GPR158: variants seen among roughly 807,000 people sequenced by gnomAD.
The protein encoded by GPR158 is metabotropic glycine receptor.
Under a neutral mutation model 78.2 loss-of-function variants are expected in GPR158, and 30 were observed. That is an observed-to-expected ratio of 0.38 (90% CI 0.29 to 0.52). The LOEUF (loss-of-function observed/expected upper bound fraction) is 0.52. Ranked by LOEUF, GPR158 falls within the 20% of genes least tolerant of loss-of-function variation. GPR158 has a pLI of 0.83. For synonymous variants in GPR158, 581 were observed against 591.1 expected, an observed-to-expected ratio of 0.98 and a Z score of 0.25; for missense variants, 1,463 against 1,523.5, an observed-to-expected ratio of 0.96 and a Z score of 0.66.
At chr10:25,398,156 C>G (rs1834391711) in intron 3 of GPR158, among the ~76,000 whole-genome samples, 1 of 152,214 alleles carries the variant, frequency 6.6e-6, no homozygotes, top group Non-Finnish European at 1.5e-5. Flanking sequence ...TTGATTTCAG[C>G]CTGGTGAGGC....
intron 2 of GPR158, among the ~76,000 whole-genome samples, chr10:25,367,572 T>C (rs2130543344): frequency 6.6e-6 from 1 of 151,930 alleles, no homozygotes; most frequent in South Asian, 2.1e-4. Flanking sequence ...CAAATGGAAA[T>C]CTTGATAATA....
chr10:25,178,749 G>A (rs1248582818), intron 1 of GPR158, among the ~76,000 whole-genome samples: 3 of 152,110 alleles, frequency 2.0e-5, no homozygotes, highest in African/African-American at 7.2e-5. Context: ...TGTATTGAGG[G>A]TCCACACAGT....
At chr10:25,276,322 A>G (rs1247416937) in intron 2 of GPR158, among the ~76,000 whole-genome samples, 2 of 152,164 alleles carry the variant, frequency 1.3e-5, no homozygotes, top group African/African-American at 4.8e-5. Flanking sequence ...CTCTTGCTCA[A>G]TTTTGATTTA....
At chr10:25,194,189 G>A (rs1356972419) in intron 1 of GPR158, among the ~76,000 whole-genome samples, 8 of 152,178 alleles carry the variant, frequency 5.3e-5, no homozygotes, top group Non-Finnish European at 1.2e-4. Context: ...AATGTTGAGT[G>A]AGGTCAGGGC....
intron 1 of GPR158, among the ~76,000 whole-genome samples, chr10:25,198,726 C>T (rs11014445): frequency 5.1e-4 from 77 of 152,084 alleles, no homozygotes; most frequent in African/African-American, 1.8e-3. Flanking sequence ...CTTAAGGCTG[C>T]GCAATGGGTT....
intron 2 of GPR158, among the ~76,000 whole-genome samples, chr10:25,356,909 G>A (rs1855562343): frequency 6.6e-6 from 1 of 152,094 alleles, no homozygotes; most frequent in Non-Finnish European, 1.5e-5. Flanking sequence ...CTCAGAAGAA[G>A]ACAGGAAAAT....
intron 4 of GPR158, among the ~76,000 whole-genome samples, chr10:25,451,646 TCC>T (rs1018579856): frequency 5.9e-5 from 9 of 152,184 alleles, no homozygotes; most frequent in African/African-American, 2.2e-4. Flanking sequence ...TAATGTCAGT[TCC>T]ATCCGTTTCT....
intron 1 of GPR158, among the ~76,000 whole-genome samples, chr10:25,200,673 A>G (rs1173118965): frequency 2.6e-5 from 4 of 152,068 alleles, no homozygotes; most frequent in Non-Finnish European, 4.4e-5. Context: ...TGATTTTTGT[A>G]TATGGTGTAA....
chr10:25,285,918 T>C (rs1295595941), intron 2 of GPR158, among the ~76,000 whole-genome samples: 2 of 151,956 alleles, frequency 1.3e-5, no homozygotes, highest in Non-Finnish European at 2.9e-5. Context: ...TGGGTTGACG[T>C]TTTCCTTTTC....
At chr10:25,270,340 T>C (rs1400952963) in intron 2 of GPR158, among the ~76,000 whole-genome samples, 1 of 152,052 alleles carries the variant, frequency 6.6e-6, no homozygotes, top group Non-Finnish European at 1.5e-5. Context: ...TTTTTTTTCC[T>C]CCGATGTGCA....
intron 5 of GPR158, among the ~76,000 whole-genome samples, chr10:25,487,472 A>G (rs1383308455): frequency 6.6e-6 from 1 of 152,206 alleles, no homozygotes; most frequent in African/African-American, 2.4e-5. Context: ...TTGCAGTGGC[A>G]TAGTGGCTGT....
chr10:25,542,491 A>G (rs1309298143), intron 5 of GPR158, among the ~76,000 whole-genome samples: 1 of 152,068 alleles, frequency 6.6e-6, no homozygotes, highest in Admixed American at 6.6e-5. Context: ...GTCTCTATCA[A>G]TGTGTCTATA....
chr10:25,228,201 G>T (rs926668950), intron 2 of GPR158, among the ~76,000 whole-genome samples: 1 of 152,144 alleles, frequency 6.6e-6, no homozygotes, highest in African/African-American at 2.4e-5. Flanking sequence ...TTTGAGCCCA[G>T]AAGTTCGAGG....
At chr10:25,330,789 C>T (rs576933907) in intron 2 of GPR158, among the ~76,000 whole-genome samples, 1 of 152,248 alleles carries the variant, frequency 6.6e-6, no homozygotes, top group Non-Finnish European at 1.5e-5. Context: ...TTTTAACTAC[C>T]TAAGAGAATC....
intron 2 of GPR158, among the ~76,000 whole-genome samples, chr10:25,384,410 G>A (rs952145489): frequency 2.0e-5 from 3 of 152,142 alleles, no homozygotes; most frequent in African/African-American, 4.8e-5. Context: ...ATTGTTCAGC[G>A]TAATGATTCT....
At chr10:25,246,882 T>C (rs1425320444) in intron 2 of GPR158, among the ~76,000 whole-genome samples, 2 of 152,220 alleles carry the variant, frequency 1.3e-5, no homozygotes, top group Non-Finnish European at 2.9e-5. Context: ...GGATGGGCAC[T>C]CCAGTCAGTT....
chr10:25,451,763 T>C (rs1332327545), intron 4 of GPR158, among the ~76,000 whole-genome samples: 1 of 152,214 alleles, frequency 6.6e-6, no homozygotes, highest in Non-Finnish European at 1.5e-5. Context: ...GTGGGGTTAA[T>C]AAGTGTGAAG....
chr10:25,371,255 T>C (rs1344278600), intron 2 of GPR158, among the ~76,000 whole-genome samples: 1 of 151,802 alleles, frequency 6.6e-6, no homozygotes, highest in Non-Finnish European at 1.5e-5. Context: ...TGCAGTTTCT[T>C]CCTAGTCTCG....
At chr10:25,200,015 C>A (rs776639808) in intron 1 of GPR158, among the ~76,000 whole-genome samples, 29 of 152,098 alleles carry the variant, frequency 1.9e-4, no homozygotes, top group Non-Finnish European at 7.4e-5. Context: ...ATTTACATTT[C>A]TTTAGGTATA....
Sources: allele counts gnomAD v4.1 joint callset (sites outside exome capture counted in the v4.1 genomes callset), GRCh38; gene constraint gnomAD v4.1.1; transcripts MANE v1.5; gene names NCBI Gene and HGNC (gene_info 2026-07-23, HGNC 2026-07-21).